Variants in ALK observed in about 807,000 individuals in gnomAD.
ALK encodes the protein ALK tyrosine kinase receptor.
A neutral mutation model predicts 163.1 loss-of-function variants in ALK; 74 were observed. The observed-to-expected ratio is 0.45, with a 90% confidence interval of 0.38 to 0.55. The LOEUF is 0.55. Ranked by LOEUF, ALK falls within the 20% of genes least tolerant of loss-of-function variation. The pLI, the probability that ALK is intolerant of heterozygous loss-of-function variation, is 0.00. For missense variants in ALK, 2,063 were observed against 2,105.3 expected, an observed-to-expected ratio of 0.98 and a Z score of 0.39; for synonymous variants, 960 against 843.2, an observed-to-expected ratio of 1.14 and a Z score of -2.40.
chr2:29,523,460 T>C (rs1250151407), intron 4 of ALK, among the ~76,000 whole-genome samples: 3 of 152,166 alleles, frequency 2.0e-5, no homozygotes, highest in African/African-American at 7.2e-5. Flanking sequence ...GGACTGAGCA[T>C]GACTCATAGA....
intron 1 of ALK, among the ~76,000 whole-genome samples, chr2:29,773,857 C>CG (rs1359458928): frequency 6.6e-6 from 1 of 151,956 alleles, no homozygotes; most frequent in Non-Finnish European, 1.5e-5. Context: ...TCTCTGAAGA[C>CG]GTCTTTAATG....
At chr2:29,465,616 C>A in intron 4 of ALK, among the ~76,000 whole-genome samples, 1 of 152,034 alleles carries the variant, frequency 6.6e-6, no homozygotes, top group South Asian at 2.1e-4. Flanking sequence ...ATCACTTGAA[C>A]CTGGGAGGTG....
intron 1 of ALK, among the ~76,000 whole-genome samples, chr2:29,726,173 G>A (rs923788582): frequency 2.0e-5 from 3 of 152,080 alleles, no homozygotes; most frequent in Non-Finnish European, 4.4e-5. Flanking sequence ...CCCTACCCCC[G>A]TAAGACCTGA....
intron 3 of ALK, among the ~76,000 whole-genome samples, chr2:29,628,088 C>T (rs1369339152): frequency 1.3e-5 from 2 of 152,334 alleles, no homozygotes; most frequent in Non-Finnish European, 1.5e-5. Flanking sequence ...TTATGCATCA[C>T]AAGCCATCCC....
intron 1 of ALK, among the ~76,000 whole-genome samples, chr2:29,828,266 T>A (rs1007731760): frequency 2.0e-5 from 3 of 152,142 alleles, no homozygotes; most frequent in Admixed American, 6.5e-5. Flanking sequence ...GGCAAGGACT[T>A]CATGTCTAAA....
At chr2:29,363,532 G>T (rs770413245) in intron 5 of ALK, among the ~76,000 whole-genome samples, 13 of 152,176 alleles carry the variant, frequency 8.5e-5, no homozygotes, top group Non-Finnish European at 1.5e-4. Flanking sequence ...GGGTGAGCTT[G>T]CTGGAGTACC....
chr2:29,789,383 G>A (rs902659027), intron 1 of ALK, among the ~76,000 whole-genome samples: 5 of 152,156 alleles, frequency 3.3e-5, no homozygotes, highest in African/African-American at 1.2e-4. Flanking sequence ...ATCCGGAATG[G>A]CTGAATCAGC....
chr2:29,853,288 A>G (rs1453209425), intron 1 of ALK, among the ~76,000 whole-genome samples: 2 of 152,106 alleles, frequency 1.3e-5, no homozygotes, highest in African/African-American at 2.4e-5. Flanking sequence ...AACATGCCCA[A>G]AGCCTAACCC....
chr2:29,711,221 T>C (rs1679088952), intron 2 of ALK, among the ~76,000 whole-genome samples: 1 of 152,126 alleles, frequency 6.6e-6, no homozygotes, highest in African/African-American at 2.4e-5. Flanking sequence ...TCACCCCAGG[T>C]CCTCTACAAC....
At chr2:29,330,631 A>G (rs1395080706) in intron 5 of ALK, among the ~76,000 whole-genome samples, 1 of 152,278 alleles carries the variant, frequency 6.6e-6, no homozygotes, top group East Asian at 1.9e-4. Flanking sequence ...AATGTTACCT[A>G]TGTGGTAAAA....
intron 3 of ALK, among the ~76,000 whole-genome samples, chr2:29,559,344 G>C (rs1048592050): frequency 1.1e-4 from 17 of 152,236 alleles, no homozygotes; most frequent in African/African-American, 4.1e-4. Context: ...CTTGGGATCT[G>C]AGTAGGACTG....
At chr2:29,197,129 A>G (rs925928347) in intron 27 of ALK, among the ~76,000 whole-genome samples, 3 of 152,184 alleles carry the variant, frequency 2.0e-5, no homozygotes, top group South Asian at 4.1e-4. Flanking sequence ...GAATATTCCA[A>G]TTATATTTCC....
chr2:29,216,373 C>T (rs938424707), intron 23 of ALK, among the ~76,000 whole-genome samples: 2 of 152,088 alleles, frequency 1.3e-5, no homozygotes, highest in African/African-American at 4.8e-5. Flanking sequence ...AGATTTTCTT[C>T]CTACCAGTCT....
chr2:29,250,985 G>T lies in ALK; in HGVS notation c.2204+120C>A, dbSNP rs78124972. On this transcript the variant is annotated intron_variant, in intron 12 of 28. Transcript: ENST00000389048. ...ACCTTTATACCCCCTATGGGCCTGA[G>T]TCTGTTGCCTTTGAACCTTGACATG... 60,477 of 997,776 alleles carry T rather than the reference G, an allele frequency of 0.061. 2,211 individuals carry two copies. The highest frequency in any genetic ancestry group is 0.074 in the Non-Finnish European group (50,396 of 679,184). The allele number at this position is 997,776 out of a possible 1,614,324, so 61.8% of individuals were successfully genotyped here.
intron 1 of ALK, among the ~76,000 whole-genome samples, chr2:29,731,721 A>C (rs1475184902): frequency 1.3e-5 from 2 of 152,220 alleles, no homozygotes; most frequent in African/African-American, 4.8e-5. Context: ...TGTAAACCAA[A>C]GATATATATT....
At chr2:29,528,669 G>T (rs568713938) in intron 4 of ALK, among the ~76,000 whole-genome samples, 4 of 152,130 alleles carry the variant, frequency 2.6e-5, no homozygotes, top group Non-Finnish European at 5.9e-5. Flanking sequence ...GAACCCAAAA[G>T]GACCTAGCAC....
intron 5 of ALK, among the ~76,000 whole-genome samples, chr2:29,364,973 C>T (rs1668467802): frequency 6.6e-6 from 1 of 152,164 alleles, no homozygotes; most frequent in African/African-American, 2.4e-5. Flanking sequence ...CATAGGTTGT[C>T]TCACTGAGTC....
intron 4 of ALK, among the ~76,000 whole-genome samples, chr2:29,445,874 C>T (rs543731713): frequency 4.0e-5 from 6 of 150,856 alleles, no homozygotes; most frequent in Non-Finnish European, 7.4e-5. Flanking sequence ...CCGAGGCGGG[C>T]GGATCACGAG....
chr2:29,313,379 G>A (rs1666744430), intron 8 of ALK, among the ~76,000 whole-genome samples: 1 of 152,206 alleles, frequency 6.6e-6, no homozygotes, highest in African/African-American at 2.4e-5. Context: ...CTGTAGGTGA[G>A]TGGCAGTGTC....
Sources: gnomAD v4.1 joint callset for allele counts (sites outside exome capture counted in the v4.1 genomes callset) on GRCh38, gnomAD v4.1.1 for gene constraint, MANE v1.5 for transcripts, NCBI Gene and HGNC (gene_info 2026-07-23, HGNC 2026-07-21) for gene names.